ITPR1: variants seen among roughly 807,000 people sequenced by gnomAD.
ITPR1 encodes inositol 1,4,5-trisphosphate receptor type 1.
Under a neutral mutation model 318.4 loss-of-function variants are expected in ITPR1, and 96 were observed. The ratio of observed to expected loss-of-function variants is 0.30; its 90% CI spans 0.26 to 0.36. ITPR1 has a LOEUF of 0.36. Among genes scored for constraint, ITPR1 ranks in the 10% least tolerant of loss-of-function variants. The probability of loss-of-function intolerance (pLI) is 1.00; values close to 1 mark genes in which losing one functional copy is unlikely to be tolerated. For missense variants in ITPR1, 2,440 were observed against 3,460.2 expected, an observed-to-expected ratio of 0.71 and a Z score of 7.40; for synonymous variants, 1,312 against 1,289.9, an observed-to-expected ratio of 1.02 and a Z score of -0.37.
At chr3:4,837,029 T>G in intron 61 of ITPR1, 94 bp downstream of exon 61, 2 of 1,153,512 alleles carry the variant, frequency 1.7e-6, no homozygotes, top group Admixed American at 2.7e-5. Context: ...AAATCAGTAG[T>G]GCTTCATCTA....
intron 61 of ITPR1, among the ~76,000 whole-genome samples, chr3:4,838,601 C>T (rs1348081669): frequency 6.6e-6 from 1 of 152,234 alleles, no homozygotes; most frequent in Non-Finnish European, 1.5e-5. Flanking sequence ...CTTCAGTTCT[C>T]CATAAAATCT....
chr3:4,738,846 TG>T (rs1559805918), intron 44 of ITPR1, among the ~76,000 whole-genome samples: 1 of 151,996 alleles, frequency 6.6e-6, no homozygotes. Context: ...TGTTTTCTCT[TG>T]GGGGAACGCA....
At position 4,714,555 on chromosome 3, in the gene ITPR1, A is replaced by T. The variant is rs568844985; in HGVS notation, c.5103+2687A>T. Among the ~76,000 whole-genome samples the T allele has an allele frequency of 2.6e-5, 4 of 152,312 alleles. No individual in the cohort carries two copies. In the South Asian group the frequency reaches 8.3e-4, roughly 32 times the overall value. On this transcript the variant is annotated intron_variant, in intron 39 of 61. Transcript: ENST00000649015. ...AGAGACTGCCCGAGGTCACGTGTGA[A>T]GTCTAGATGAGATCAAGACTACCGT...
intron 35 of ITPR1, among the ~76,000 whole-genome samples, chr3:4,700,444 G>C (rs995218410): frequency 1.3e-5 from 2 of 152,328 alleles, no homozygotes. Context: ...ATGAGACTCA[G>C]GAGAGCGGTA....
chr3:4,775,460 T>A lies in ITPR1; in HGVS notation c.6180+18T>A, dbSNP rs774140282. 6.3e-7 allele frequency: 1 copy of A among 1,589,516 alleles called. No individual in the cohort carries two copies. The highest frequency in any genetic ancestry group is 8.6e-7 in the Non-Finnish European group (1 of 1,160,962). ...AGAACCAGGTAATTAAATTTCTGTT[T>A]TGGGATGGGGAAAAAAAGTGTCCCA... On this transcript the variant is annotated intron_variant, in intron 47 of 61. Coordinates refer to ENST00000649015, the MANE Select transcript of ITPR1 (RefSeq NM_001378452.1).
At position 4,653,266 on chromosome 3, in the gene ITPR1, G is replaced by A. The variant is rs542074044; in HGVS notation, c.952-576G>A. 1.6e-4 allele frequency among the ~76,000 whole-genome samples: 24 copies of A among 152,288 alleles called. No individual in the cohort carries two copies. In the South Asian group the frequency reaches 2.9e-3, roughly 18 times the overall value. ...TCAGCACTGCTCCTGTGCCTGACCCGAGGAAGGCTGGCTCTTAAGTGTGCT... is the reference window on the plus strand; with the variant it reads ...TCAGCACTGCTCCTGTGCCTGACCCAAGGAAGGCTGGCTCTTAAGTGTGCT... On this transcript the variant is annotated intron_variant, in intron 11 of 61. Transcript: ENST00000649015.
intron 2 of ITPR1, among the ~76,000 whole-genome samples, chr3:4,507,697 T>G (rs933546093): frequency 6.6e-6 from 1 of 152,228 alleles, no homozygotes; most frequent in African/African-American, 2.4e-5. Flanking sequence ...TGTCTGAGAA[T>G]AGCAGCTTCA....
At chr3:4,724,192 CT>C (rs2042352340) in intron 40 of ITPR1, among the ~76,000 whole-genome samples, 1 of 152,202 alleles carries the variant, frequency 6.6e-6, no homozygotes, top group Non-Finnish European at 1.5e-5. Flanking sequence ...GAAAGGTCGT[CT>C]GTCCAGAATT....
chr3:4,714,559 TAGATG>T (rs1160047417), intron 39 of ITPR1, among the ~76,000 whole-genome samples: 1 of 152,214 alleles, frequency 6.6e-6, no homozygotes, highest in Admixed American at 6.5e-5. Flanking sequence ...GTGTGAAGTC[TAGATG>T]AGATCAAGAC....
chr3:4,626,188 G>A (rs1303543655), intron 4 of ITPR1, among the ~76,000 whole-genome samples: 1 of 151,186 alleles, frequency 6.6e-6, no homozygotes, highest in Non-Finnish European at 1.5e-5. Context: ...AACTTTCTGT[G>A]TGTGTGTGTG....
intron 44 of ITPR1, among the ~76,000 whole-genome samples, chr3:4,747,522 C>T (rs2044197221): frequency 6.6e-6 from 1 of 152,154 alleles, no homozygotes; most frequent in Admixed American, 6.5e-5. Context: ...ATTTTGTTTT[C>T]TTTGGTAGTG....
At chr3:4,541,107 G>A (rs932797920) in intron 4 of ITPR1, among the ~76,000 whole-genome samples, 1 of 151,782 alleles carries the variant, frequency 6.6e-6, no homozygotes, top group African/African-American at 2.4e-5. Flanking sequence ...CTATGCTCCT[G>A]TTCATGATGT....
At chr3:4,831,157 A>T (rs1228305619) in intron 60 of ITPR1, 16 of 375,092 alleles carry the variant, frequency 4.3e-5, no homozygotes, top group East Asian at 2.3e-4. Flanking sequence ...ACACACACTC[A>T]CTCCCTCTCT....
At chr3:4,502,569 T>C (rs146804736) in intron 2 of ITPR1, among the ~76,000 whole-genome samples, 14 of 151,934 alleles carry the variant, frequency 9.2e-5, no homozygotes, top group African/African-American at 3.1e-4. Context: ...GCCTCCTGAG[T>C]AGCTGGGTCT....
At chr3:4,591,424 C>G (rs185555822) in intron 4 of ITPR1, among the ~76,000 whole-genome samples, 1 of 152,304 alleles carries the variant, frequency 6.6e-6, no homozygotes, top group Admixed American at 6.5e-5. Flanking sequence ...GCTGTTCTGA[C>G]TGGTGTGAGA....
intron 12 of ITPR1, among the ~76,000 whole-genome samples, chr3:4,655,242 G>T (rs1480767248): frequency 6.6e-6 from 1 of 152,124 alleles, no homozygotes; most frequent in African/African-American, 2.4e-5. Context: ...CCATGCTGCC[G>T]TCTGTGGTGA....
intron 61 of ITPR1, among the ~76,000 whole-genome samples, chr3:4,838,728 C>T (rs1376196681): frequency 6.6e-6 from 1 of 152,208 alleles, no homozygotes; most frequent in Non-Finnish European, 1.5e-5. Flanking sequence ...TTCTTGCTCA[C>T]TCATTTCTGC....
chr3:4,806,558 C>T (rs929910139), intron 55 of ITPR1, among the ~76,000 whole-genome samples: 3 of 152,214 alleles, frequency 2.0e-5, no homozygotes, highest in Non-Finnish European at 2.9e-5. Context: ...TGTTTCCTTT[C>T]CATGCACCTT....
intron 4 of ITPR1, among the ~76,000 whole-genome samples, chr3:4,559,904 T>A (rs1003157782): frequency 2.6e-5 from 4 of 152,154 alleles, no homozygotes; most frequent in African/African-American, 9.7e-5. Flanking sequence ...TTTGACATGC[T>A]AGTCTCCCCT....
Sources: gnomAD v4.1 joint callset for allele counts (sites outside exome capture counted in the v4.1 genomes callset) on GRCh38, gnomAD v4.1.1 for gene constraint, MANE v1.5 for transcripts, NCBI Gene and HGNC (gene_info 2026-07-23, HGNC 2026-07-21) for gene names.